Variants in TRPM3 observed in about 807,000 individuals in gnomAD.
TRPM3 encodes transient receptor potential cation channel subfamily M member 3.
In TRPM3, 77 loss-of-function variants were observed where a neutral mutation model predicts 181.2. That is an observed-to-expected ratio of 0.42 (90% confidence interval 0.35 to 0.51). The LOEUF is 0.51. Among genes scored for constraint, TRPM3 ranks in the 20% least tolerant of loss-of-function variants. The pLI, the probability that TRPM3 is intolerant of heterozygous loss-of-function variation, is 0.01. For missense variants in TRPM3, 1,759 were observed against 2,196.7 expected (o/e 0.80, Z 3.98); for synonymous variants, 745 against 796.4 (o/e 0.94, Z 1.09).
chr9:71,007,964 A>G (rs1336640907), intron 1 of TRPM3, among the ~76,000 whole-genome samples: 1 of 152,118 alleles, frequency 6.6e-6, no homozygotes, highest in Non-Finnish European at 1.5e-5. Flanking sequence ...AAAAAGTAAT[A>G]CAAAAGAACC....
intron 1 of TRPM3, among the ~76,000 whole-genome samples, chr9:71,295,470 C>CTT (rs1336254961): frequency 1.8e-4 from 25 of 140,282 alleles, no homozygotes; most frequent in African/African-American, 5.7e-4. Flanking sequence ...TTTTGGCTTC[C>CTT]TTTTTTTTTT....
chr9:71,284,218 C>T (rs1277668515), intron 1 of TRPM3, among the ~76,000 whole-genome samples: 1 of 152,168 alleles, frequency 6.6e-6, no homozygotes, highest in East Asian at 1.9e-4. Context: ...TAAAAGCTAG[C>T]TACTATTTTT....
intron 1 of TRPM3, among the ~76,000 whole-genome samples, chr9:70,905,294 A>G (rs1191479402): frequency 6.6e-6 from 1 of 152,262 alleles, no homozygotes; most frequent in Non-Finnish European, 1.5e-5. Flanking sequence ...ACATTGACAT[A>G]TTAAAGAACA....
At chr9:70,542,500 G>A (rs10780944) in intron 25 of TRPM3, among the ~76,000 whole-genome samples, 131,602 of 152,186 alleles carry the variant, frequency 0.86, 57,027 homozygotes, top group East Asian at 0.97. Context: ...AGAAGGCCCA[G>A]TGGGTGGGTG....
chr9:71,255,717 T>C (rs2082630860), intron 1 of TRPM3, among the ~76,000 whole-genome samples: 1 of 152,224 alleles, frequency 6.6e-6, no homozygotes, highest in Non-Finnish European at 1.5e-5. Flanking sequence ...TTATAGTTCT[T>C]GTAACCTTGG....
At chr9:71,083,765 ATGT>A (rs1352377975) in intron 1 of TRPM3, among the ~76,000 whole-genome samples, 3 of 150,938 alleles carry the variant, frequency 2.0e-5, no homozygotes, top group Non-Finnish European at 3.0e-5. Flanking sequence ...ATGTATGCTA[ATGT>A]TGTGCCAGGT....
intron 25 of TRPM3, among the ~76,000 whole-genome samples, chr9:70,539,453 C>T (rs1300653908): frequency 6.6e-6 from 1 of 151,692 alleles, no homozygotes; most frequent in Non-Finnish European, 1.5e-5. Context: ...CCCAGCCTGC[C>T]CTCAAGAGCC....
chr9:71,091,723 C>A (rs1251350031), intron 1 of TRPM3, among the ~76,000 whole-genome samples: 3 of 151,968 alleles, frequency 2.0e-5, no homozygotes, highest in Admixed American at 6.6e-5. Context: ...AGCTTGCAAC[C>A]AGTCATGTCT....
intron 8 of TRPM3, among the ~76,000 whole-genome samples, chr9:70,748,090 A>G (rs2075498989): frequency 6.6e-6 from 1 of 152,210 alleles, no homozygotes; most frequent in African/African-American, 2.4e-5. Context: ...AGAAGTGTTA[A>G]AGAAACAGAA....
rs748542094 is a variant in TRPM3 at position 70,908,361 on chromosome 9, G to C, written c.178-43850C>G. On this transcript the variant is annotated intron_variant, in intron 1 of 25. Transcript: ENST00000677713. Reference sequence around the variant, plus strand: ...TAGAAAGGTAGAGAGTTTCACCTCAGACGGACTAGTTGGTTTCAGACCAAT... The same window carrying C: ...TAGAAAGGTAGAGAGTTTCACCTCACACGGACTAGTTGGTTTCAGACCAAT... Among the ~76,000 whole-genome samples, 101 of 152,302 alleles carry C rather than the reference G, an allele frequency of 6.6e-4. 1 individual carries two copies. Among genetic ancestry groups the C allele is most frequent in the Admixed American group, 2.0e-3 (30 of 15,306 alleles).
chr9:70,997,601 C>A (rs1033065295), intron 1 of TRPM3, among the ~76,000 whole-genome samples: 3 of 152,094 alleles, frequency 2.0e-5, no homozygotes, highest in African/African-American at 7.2e-5. Context: ...TCTAGCAAAT[C>A]AGAGTAGAGG....
At chr9:71,241,668 T>C (rs969110503) in intron 1 of TRPM3, among the ~76,000 whole-genome samples, 1 of 152,174 alleles carries the variant, frequency 6.6e-6, no homozygotes, top group South Asian at 2.1e-4. Flanking sequence ...TTCTGAAATC[T>C]GCAACCATGT....
intron 1 of TRPM3, among the ~76,000 whole-genome samples, chr9:71,120,714 A>C (rs1230328838): frequency 6.6e-6 from 1 of 152,200 alleles, no homozygotes; most frequent in African/African-American, 2.4e-5. Context: ...CAAAGCTTTT[A>C]AACTAATGAG....
chr9:70,849,126 G>A (rs924117397), intron 3 of TRPM3, among the ~76,000 whole-genome samples: 2 of 152,096 alleles, frequency 1.3e-5, no homozygotes, highest in African/African-American at 4.8e-5. Flanking sequence ...TTCACTGAAG[G>A]AAGTTGTTTT....
At chr9:71,426,181 CATT>C (rs1486664333) in intron 1 of TRPM3, among the ~76,000 whole-genome samples, 1 of 152,092 alleles carries the variant, frequency 6.6e-6, no homozygotes, top group African/African-American at 2.4e-5. Context: ...ATGCCTAACA[CATT>C]ATAGGCAATC....
At chr9:71,232,510 T>C (rs1254511220) in intron 1 of TRPM3, among the ~76,000 whole-genome samples, 2 of 138,292 alleles carry the variant, frequency 1.4e-5, no homozygotes, top group Non-Finnish European at 3.1e-5. Context: ...TTTTTTTTTT[T>C]TTTTTTTTGA....
At chr9:71,255,909 T>A (rs966649885) in intron 1 of TRPM3, among the ~76,000 whole-genome samples, 2 of 152,170 alleles carry the variant, frequency 1.3e-5, no homozygotes, top group African/African-American at 4.8e-5. Flanking sequence ...GCCACAATTA[T>A]CTTGTTTTCA....
chr9:71,401,477 G>C (rs1335944164), intron 1 of TRPM3, among the ~76,000 whole-genome samples: 1 of 152,160 alleles, frequency 6.6e-6, no homozygotes, highest in Non-Finnish European at 1.5e-5. Flanking sequence ...GTCAGGAGTA[G>C]TGTTTTAAAT....
At position 70,965,408 on chromosome 9, in the gene TRPM3, T is replaced by C. The variant is rs189560214; in HGVS notation, c.178-100897A>G. On this transcript the variant is annotated intron_variant, in intron 1 of 25. Transcript: ENST00000677713. ...ATGATTTTGAAGACCAAATCACAGA[T>C]TTCAGTGTAGTCAGGAAGTACTAAA... 5.3e-4 allele frequency among the ~76,000 whole-genome samples: 81 copies of C among 152,184 alleles called. 1 individual carries two copies. Among genetic ancestry groups the C allele is most frequent in the East Asian group, 5.0e-3 (26 of 5,174 alleles).
Sources: gnomAD v4.1 joint callset for allele counts (sites outside exome capture counted in the v4.1 genomes callset) on GRCh38, gnomAD v4.1.1 for gene constraint, MANE v1.5 for transcripts, NCBI Gene and HGNC (gene_info 2026-07-23, HGNC 2026-07-21) for gene names.